DHX57: variants seen among roughly 807,000 people sequenced by gnomAD.
DHX57 encodes the protein putative ATP-dependent RNA helicase DHX57.
In DHX57, 105 loss-of-function variants were observed where a neutral mutation model predicts 156.2. The observed-to-expected ratio is 0.67, with a 90% CI of 0.57 to 0.79. The LOEUF is 0.79. Ranked by LOEUF, DHX57 falls within the 30% of genes least tolerant of loss-of-function variation. The pLI is 0.00. For missense variants in DHX57, 1,847 were observed against 1,661.9 expected, an observed-to-expected ratio of 1.11 and a Z score of -1.94; for synonymous variants, 704 against 595.6, an observed-to-expected ratio of 1.18 and a Z score of -2.65.
intron 10 of DHX57, 74 bp from the exon 11 acceptor site, chr2:38,847,147 A>T: frequency 8.4e-7 from 1 of 1,196,646 alleles, no homozygotes. Context: ...TTATATATAT[A>T]AAATTCTCTT....
At chr2:38,852,400 A>C (rs1291876775) in intron 9 of DHX57, among the ~76,000 whole-genome samples, 1 of 148,144 alleles carries the variant, frequency 6.8e-6, no homozygotes, top group East Asian at 2.0e-4. Flanking sequence ...CAGTCCACCA[A>C]GTTTACTTAG....
rs769983238 is a variant in DHX57, at chr2:38,843,163, A to G, written c.2267T>C (p.Ile756Thr). The stretch of plus-strand genomic sequence containing the variant: ...CCTTGCTTTAAGCTTTTCCTTTGAA[A>G]TCTGTTTCATGGACCGCATATATGG... ...GSPYMRSMKQ[I>T]SKEKLKARRN... Residue 756 changes from isoleucine to threonine, a missense_variant, in exon 12 of 24, where the codon ATT becomes ACT. Ile to Thr is a moderately conservative substitution (Grantham distance 89, BLOSUM62 -1). Transcript: ENST00000457308. 3 of 1,614,148 alleles carry G rather than the reference A, an allele frequency of 1.9e-6. No homozygotes were observed. The highest frequency in any genetic ancestry group is 8.5e-7 in the Non-Finnish European group (1 of 1,180,026).
At chr2:38,818,740 A>C in intron 19 of DHX57, 137 bp downstream of exon 19, 1 of 939,032 alleles carries the variant, frequency 1.1e-6, no homozygotes, top group Non-Finnish European at 1.6e-6. Flanking sequence ...AGTCCATTTT[A>C]CACGGCTGGT....
At chr2:38,808,778 CTATT>C (rs1304580462) in intron 21 of DHX57, among the ~76,000 whole-genome samples, 6 of 152,206 alleles carry the variant, frequency 3.9e-5, no homozygotes, top group African/African-American at 1.2e-4. Context: ...TATCAAACAA[CTATT>C]TATTTATTTT....
chr2:38,829,448 G>A lies in DHX57; in HGVS notation c.2543-1012C>T, dbSNP rs3099985. The stretch of plus-strand genomic sequence containing the variant: ...AGGCACACGCCAGCTAATTTTTGTA[G>A]TTTTAGTAGAGACAGGTTTCACCAT... On this transcript the variant is annotated intron_variant, in intron 13 of 23. Coordinates refer to ENST00000457308, the MANE Select transcript of DHX57 (RefSeq NM_198963.3). 2.7e-3 allele frequency among the ~76,000 whole-genome samples: 404 copies of A among 151,444 alleles called. 2 individuals carry two copies. Among genetic ancestry groups the A allele is most frequent in the Non-Finnish European group, 4.7e-3 (319 of 67,886 alleles).
At chr2:38,818,751 A>C in intron 19 of DHX57, 126 bp downstream of exon 19, 14 of 1,072,322 alleles carry the variant, frequency 1.3e-5, no homozygotes, top group Non-Finnish European at 1.9e-5. Context: ...CACGGCTGGT[A>C]AGGCCAAACA....
intron 2 of DHX57, among the ~76,000 whole-genome samples, chr2:38,866,262 T>C (rs1460705201): frequency 2.0e-5 from 3 of 152,178 alleles, no homozygotes; most frequent in Non-Finnish European, 4.4e-5. Flanking sequence ...AGTCTGGTCT[T>C]TCTGATCTAA....
intron 4 of DHX57, 23 bp from the exon 5 acceptor site, chr2:38,861,860 A>G: frequency 6.4e-7 from 1 of 1,551,826 alleles, no homozygotes; most frequent in Non-Finnish European, 8.7e-7. Context: ...AAACATGACA[A>G]AAATGACACA....
At chr2:38,811,223 T>C (rs1466612942) in intron 21 of DHX57, 7 of 495,540 alleles carry the variant, frequency 1.4e-5, no homozygotes, top group African/African-American at 5.8e-5. Flanking sequence ...GGACTGGTTG[T>C]AGAACTCAGG....
At chr2:38,855,543 T>C (rs1672854940) in intron 7 of DHX57, among the ~76,000 whole-genome samples, 2 of 152,198 alleles carry the variant, frequency 1.3e-5, no homozygotes, top group Admixed American at 6.5e-5. Context: ...ACGTAAACTC[T>C]ACACATGAAC....
chr2:38,845,993 T>C (rs1672263907), intron 11 of DHX57, among the ~76,000 whole-genome samples: 1 of 151,860 alleles, frequency 6.6e-6, no homozygotes, highest in African/African-American at 2.4e-5. Flanking sequence ...AGCCTCCAGA[T>C]TGGCTGGCAT....
Position 38,867,844 on chromosome 2 carries a change from C to A in DHX57, c.224+338G>T, listed in dbSNP as rs372824712. On this transcript the variant is annotated intron_variant, in intron 2 of 23. Transcript: ENST00000457308. ...AAGTGATGGGATTACAGGTGTGAGC[C>A]ACCGTACCTGTCCATGTTCAATGTT... 2.6e-5 allele frequency among the ~76,000 whole-genome samples: 4 copies of A among 152,334 alleles called. No individual in the cohort carries two copies. In the East Asian group the frequency reaches 5.8e-4, roughly 22 times the overall value.
At chr2:38,822,686 C>T (rs542394405) in intron 17 of DHX57, among the ~76,000 whole-genome samples, 4 of 152,282 alleles carry the variant, frequency 2.6e-5, no homozygotes, top group East Asian at 1.9e-4. Context: ...TAAGCCACCG[C>T]GCTTGGCCTG....
At chr2:38,812,260 AAAC>A (rs1285926119) in intron 21 of DHX57, among the ~76,000 whole-genome samples, 4 of 101,048 alleles carry the variant, frequency 4.0e-5, no homozygotes, top group South Asian at 8.0e-4. Flanking sequence ...TACAAAGCAC[AAAC>A]AATTTTTTAA....
At chr2:38,832,153 A>G (rs1671414768) in intron 13 of DHX57, among the ~76,000 whole-genome samples, 1 of 152,090 alleles carries the variant, frequency 6.6e-6, no homozygotes, top group Admixed American at 6.5e-5. Context: ...AGACAACCAC[A>G]CAGCGGGCCG....
At position 38,803,690 on chromosome 2, in the gene DHX57, T is replaced by A. The variant is rs114302225; in HGVS notation, c.3817-775A>T. On this transcript the variant is annotated intron_variant, in intron 22 of 23. Coordinates refer to ENST00000457308, the MANE Select transcript of DHX57 (RefSeq NM_198963.3). ...TTTAGTAGAGACAGGGATTTCATCA[T>A]GCTGGCCAGGCTGTTCTTGAACTCC... Among the ~76,000 whole-genome samples, 665 of 151,856 alleles carry A rather than the reference T, an allele frequency of 4.4e-3. 6 individuals carry two copies. Among genetic ancestry groups the A allele is most frequent in the African/African-American group, 0.016 (647 of 41,406 alleles).
At chr2:38,838,380 C>T (rs1671798473) in intron 12 of DHX57, among the ~76,000 whole-genome samples, 1 of 152,194 alleles carries the variant, frequency 6.6e-6, no homozygotes, top group African/African-American at 2.4e-5. Context: ...GGATTACAGC[C>T]ACCACAACCA....
intron 22 of DHX57, among the ~76,000 whole-genome samples, chr2:38,804,045 G>C (rs1669824866): frequency 6.6e-6 from 1 of 152,134 alleles, no homozygotes; most frequent in Non-Finnish European, 1.5e-5. Flanking sequence ...GCCTTTCAAA[G>C]GGCTGGGATT....
intron 12 of DHX57, 59 bp downstream of exon 12, chr2:38,842,946 A>G: frequency 6.4e-7 from 1 of 1,553,842 alleles, no homozygotes. Flanking sequence ...GAATCTTGGT[A>G]AGAAAGAATA....
Sources: allele counts gnomAD v4.1 joint callset (sites outside exome capture counted in the v4.1 genomes callset), GRCh38; gene constraint gnomAD v4.1.1; transcripts MANE v1.5; gene names NCBI Gene and HGNC (gene_info 2026-07-23, HGNC 2026-07-21).